EIF4G3: variants seen among roughly 807,000 people sequenced by gnomAD.
The protein encoded by EIF4G3 is eIF-4-gamma 3.
EIF4G3 carries 34 observed loss-of-function variants against 186.4 expected under a neutral mutation model. That is an observed-to-expected ratio of 0.18 (90% confidence interval 0.14 to 0.24). The LOEUF (loss-of-function observed/expected upper bound fraction) is 0.24, where lower values mean the gene tolerates loss of function less well. EIF4G3 is among the 10% of genes least tolerant of loss of function. The probability of loss-of-function intolerance (pLI) is 1.00; values close to 1 mark genes in which losing one functional copy is unlikely to be tolerated. For missense variants in EIF4G3, 1,536 were observed against 1,948.5 expected, an observed-to-expected ratio of 0.79 and a Z score of 3.99; for synonymous variants, 673 against 679.5, an observed-to-expected ratio of 0.99 and a Z score of 0.15.
chr1:20,827,741 C>G, intron 31 of EIF4G3, 43 bp from the exon 32 acceptor site: 1 of 1,359,338 alleles, frequency 7.4e-7, no homozygotes, highest in Non-Finnish European at 1.0e-6. Flanking sequence ...CTAAAGAAAT[C>G]CTTTCTTCTA....
At chr1:20,964,622 C>T (rs1356887301) in intron 12 of EIF4G3, among the ~76,000 whole-genome samples, 1 of 152,186 alleles carries the variant, frequency 6.6e-6, no homozygotes. Flanking sequence ...TAGCTTGTGT[C>T]ACAAATTTAA....
intron 14 of EIF4G3, among the ~76,000 whole-genome samples, chr1:20,925,164 G>A (rs975418378): frequency 7.9e-5 from 12 of 151,958 alleles, no homozygotes; most frequent in African/African-American, 1.9e-4. Flanking sequence ...TATACTATAC[G>A]TACTGTTTTA....
chr1:20,932,774 A>T (rs2095371251), intron 14 of EIF4G3, among the ~76,000 whole-genome samples: 1 of 152,160 alleles, frequency 6.6e-6, no homozygotes. Context: ...TATAACACCT[A>T]TAATAATGAA....
intron 6 of EIF4G3, among the ~76,000 whole-genome samples, chr1:20,998,544 G>C (rs1201479771): frequency 6.6e-6 from 1 of 152,060 alleles, no homozygotes; most frequent in Non-Finnish European, 1.5e-5. Context: ...TACTAACTCA[G>C]AAGAAAATAA....
chr1:20,835,033 G>A (rs1469711511), intron 30 of EIF4G3, among the ~76,000 whole-genome samples: 1 of 145,138 alleles, frequency 6.9e-6, no homozygotes, highest in Non-Finnish European at 1.5e-5. Flanking sequence ...TATCTTTTTG[G>A]ATCACAATGC....
chr1:20,959,006 C>T lies in EIF4G3; in HGVS notation c.715-8895G>A, dbSNP rs76466179. Reference sequence around the variant, plus strand: ...CAATCTACAGATTCAATGTAATTCTCATCAAAATACCAACGTTTCACAGAA... The same window carrying T: ...CAATCTACAGATTCAATGTAATTCTTATCAAAATACCAACGTTTCACAGAA... On this transcript the variant is annotated intron_variant, in intron 12 of 36. Coordinates refer to ENST00000602326, the MANE Select transcript of EIF4G3 (RefSeq NM_001391906.1). 6.1e-3 allele frequency among the ~76,000 whole-genome samples: 934 copies of T among 151,994 alleles called. 3 individuals carry two copies. Among genetic ancestry groups the T allele is most frequent in the Non-Finnish European group, 0.01 (697 of 67,942 alleles).
intron 11 of EIF4G3, among the ~76,000 whole-genome samples, chr1:20,972,532 G>A (rs1447546649): frequency 6.6e-6 from 1 of 152,112 alleles, no homozygotes; most frequent in Admixed American, 6.5e-5. Flanking sequence ...TACTTGGGAG[G>A]CTGAGGCATG....
Position 20,941,862 on chromosome 1 carries a change from A to G in EIF4G3, c.1292T>C (p.Ile431Thr), listed in dbSNP as rs377392173. 38 of 1,614,132 alleles carry G rather than the reference A, an allele frequency of 2.4e-5. No individual in the cohort carries two copies. Among genetic ancestry groups the G allele is most frequent in the Non-Finnish European group, 3.1e-5 (36 of 1,180,012 alleles). The change falls in exon 14 of 37, where the codon ATA becomes ACA. Residue 431 changes from isoleucine to threonine, a missense_variant. Physicochemically the swap from Ile to Thr is moderately conservative, Grantham distance 89. Coordinates refer to ENST00000602326, the MANE Select transcript of EIF4G3 (RefSeq NM_001391906.1). ...KLSATESIVE[I>T]VKQEVLPLTL... ...CAATGGCAATACTTCCTGTTTTACT[A>G]TTTCCACAATGCTCTCCGTGGCTGA...
intron 14 of EIF4G3, among the ~76,000 whole-genome samples, chr1:20,936,673 G>C (rs998041298): frequency 4.6e-5 from 7 of 152,046 alleles, no homozygotes; most frequent in African/African-American, 1.7e-4. Flanking sequence ...TTATATCTCT[G>C]GTTTTATGTT....
chr1:21,053,446 G>A (rs1375472375), intron 3 of EIF4G3, among the ~76,000 whole-genome samples: 50 of 148,222 alleles, frequency 3.4e-4, no homozygotes, highest in Admixed American at 1.1e-3. Flanking sequence ...CCGGCCAGCC[G>A]CCCCGTCCGG....
intron 4 of EIF4G3, 150 bp from the exon 5 acceptor site, chr1:21,002,958 G>T: frequency 2.1e-6 from 1 of 480,626 alleles, no homozygotes; most frequent in Non-Finnish European, 3.7e-6. Context: ...ACAATATCCA[G>T]TAACTCAAAA....
At chr1:20,944,007 T>C (rs1303287206) in intron 13 of EIF4G3, among the ~76,000 whole-genome samples, 4 of 149,868 alleles carry the variant, frequency 2.7e-5, no homozygotes, top group Non-Finnish European at 4.5e-5. Context: ...TGTGTGTGTG[T>C]GTGTGTGTGT....
chr1:21,114,440 T>C (rs2096782256), intron 2 of EIF4G3, among the ~76,000 whole-genome samples: 1 of 152,220 alleles, frequency 6.6e-6, no homozygotes. Context: ...TTGAAAGCTG[T>C]AATTTTACCA....
intron 32 of EIF4G3, among the ~76,000 whole-genome samples, chr1:20,826,813 A>G (rs1422150042): frequency 2.6e-5 from 4 of 152,110 alleles, no homozygotes; most frequent in Admixed American, 1.3e-4. Flanking sequence ...AATAAGGACT[A>G]AAGTCAAGTA....
At chr1:21,072,204 A>G (rs763224193) in intron 3 of EIF4G3, among the ~76,000 whole-genome samples, 2 of 152,188 alleles carry the variant, frequency 1.3e-5, no homozygotes, top group Non-Finnish European at 2.9e-5. Flanking sequence ...TGACAAATAT[A>G]TAATAAGTAT....
intron 2 of EIF4G3, among the ~76,000 whole-genome samples, chr1:21,106,066 C>CT (rs1048552858): frequency 0.014 from 1,809 of 132,306 alleles, 26 homozygotes; most frequent in African/African-American, 0.035. Context: ...GACCCTGTCT[C>CT]TTTTTTTTTT....
chr1:20,851,413 G>C lies in EIF4G3; in HGVS notation c.3617C>G (p.Thr1206Ser), dbSNP rs2073243067. The C allele has an allele frequency of 6.2e-7, 1 of 1,614,098 alleles. No individual in the cohort carries two copies. The highest frequency in any genetic ancestry group is 2.2e-5 in the East Asian group (1 of 44,874). ...PLPSATARPN[T>S]FMRGGSSKDL... ...TTTACTGCTGCCACCCCTCATGAAA[G>C]TATTTGGCCGAGCTGTTGCAGATGG... is the stretch of plus-strand genomic sequence containing the variant. Residue 1206 changes from threonine to serine, a missense_variant, in exon 28 of 37, where the codon ACT becomes AGT. This residue lies in a region of EIF4G3 where 395 missense variants were observed against 498.9 expected (regional missense o/e 0.79). Coordinates refer to ENST00000602326, the MANE Select transcript of EIF4G3 (RefSeq NM_001391906.1).
At chr1:20,905,491 G>A (rs1044150104) in intron 14 of EIF4G3, among the ~76,000 whole-genome samples, 3 of 152,202 alleles carry the variant, frequency 2.0e-5, no homozygotes, top group African/African-American at 7.2e-5. Flanking sequence ...TCATTAGATA[G>A]GCAGCATTTC....
At chr1:21,063,732 C>A (rs937695576) in intron 3 of EIF4G3, among the ~76,000 whole-genome samples, 3 of 96,016 alleles carry the variant, frequency 3.1e-5, no homozygotes, top group East Asian at 5.8e-4. Context: ...GGGGGGGGGA[C>A]GCAGTCTCAC....
Sources: allele counts gnomAD v4.1 joint callset (sites outside exome capture counted in the v4.1 genomes callset), GRCh38; gene constraint gnomAD v4.1.1; regional missense constraint gnomAD v4.1.1; transcripts MANE v1.5; gene names NCBI Gene and HGNC (gene_info 2026-07-23, HGNC 2026-07-21).